The following SLCO3A1 variants were observed in gnomAD, a reference collection of about 807,000 sequenced individuals.
SLCO3A1 encodes solute carrier organic anion transporter family member 3A1.
In SLCO3A1, 27 loss-of-function variants were observed where a neutral mutation model predicts 63.1. The ratio of observed to expected loss-of-function variants is 0.43; its 90% CI spans 0.32 to 0.59. The LOEUF is 0.59. Among genes scored for constraint, SLCO3A1 ranks in the 20% least tolerant of loss-of-function variants. The probability of loss-of-function intolerance (pLI) is 0.09; values close to 1 mark genes in which losing one functional copy is unlikely to be tolerated. For synonymous variants in SLCO3A1, 473 were observed against 409.9 expected (o/e 1.15, Z -1.86); for missense variants, 773 against 945.8 (o/e 0.82, Z 2.40).
chr15:92,147,041 C>T lies in SLCO3A1; in HGVS notation c.1570C>T (p.Pro524Ser), dbSNP rs777846917. Residue 524 changes from proline to serine, a missense_variant, in exon 8 of 10, where the codon CCT (proline) becomes TCT (serine). Around this residue, in one of 3 missense-constraint regions of SLCO3A1, gnomAD observed 565 missense variants for 749.8 expected, o/e 0.75. Transcript: ENST00000318445. The stretch of plus-strand genomic sequence containing the variant: ...CCCTGCTGAGAACGCAACCGTGGTT[C>T]CTGGAAAATGCCCCAGTCCTGGGTG... Reference protein sequence around the residue: ...TVPAENATVVPGKCPSPGCQE... With the variant: ...TVPAENATVVSGKCPSPGCQE... The T allele has an allele frequency of 1.9e-6, 3 of 1,614,186 alleles. No individual in the cohort carries two copies. The highest frequency in any genetic ancestry group is 1.7e-5 in the Admixed American group (1 of 60,030).
Position 92,016,204 on chromosome 15 carries a change from T to TATAGATAGATTAGATAG in SLCO3A1, c.647-78667_647-78666insTAGATAGATAGATAGAT, listed in dbSNP as rs2046424818. 2.5e-5 allele frequency among the ~76,000 whole-genome samples: 3 copies of TATAGATAGATTAGATAG among 120,208 alleles called. No homozygotes were observed. In the South Asian group the frequency reaches 8.6e-4, roughly 34 times the overall value. The allele number at this position is 120,208 out of a possible 152,430, so 78.9% of individuals were successfully genotyped here. ...TGCAGATTTGTTGTATATATATTTATATAGATAGATAGATAGATAGATAGA... is the reference window on the plus strand; with the variant it reads ...TGCAGATTTGTTGTATATATATTTATATAGATAGATTAGATAGATAGATAGATAGATAGATAGATAGA... On this transcript the variant is annotated intron_variant, in intron 2 of 9. Coordinates refer to ENST00000318445, the MANE Select transcript of SLCO3A1 (RefSeq NM_013272.4).
Position 92,162,986 on chromosome 15 carries a change from G to T in SLCO3A1, c.1984G>T (p.Gly662Trp). The T allele has an allele frequency of 6.2e-7, 1 of 1,613,748 alleles. No individual in the cohort carries two copies. The highest frequency in any genetic ancestry group is 8.5e-7 in the Non-Finnish European group (1 of 1,179,812). ...ACGCTACATCAAAAACCACGAGGGC[G>T]GGCTGAGCACCAGTGAGTTCTTTGC... is the stretch of plus-strand genomic sequence containing the variant. Reference protein sequence around the residue: ...YKRYIKNHEGGLSTSEFFAST... With the variant: ...YKRYIKNHEGWLSTSEFFAST... Residue 662 changes from glycine (G) to tryptophan (W), a missense_variant, in exon 10 of 10, where the codon GGG becomes TGG. Gly to Trp is a radical substitution (Grantham distance 184, BLOSUM62 -2). Around this residue, in one of 3 missense-constraint regions of SLCO3A1, gnomAD observed 139 missense variants for 131.4 expected, o/e 1.06. Coordinates refer to ENST00000318445, the MANE Select transcript of SLCO3A1 (RefSeq NM_013272.4).
intron 2 of SLCO3A1, among the ~76,000 whole-genome samples, chr15:91,947,756 G>A (rs1454408991): frequency 6.6e-6 from 1 of 152,196 alleles, no homozygotes; most frequent in Non-Finnish European, 1.5e-5. Flanking sequence ...GGGGCAGGTT[G>A]CTCCGATGGC....
rs11347750 is a variant in SLCO3A1 at position 92,153,245 on chromosome 15, C to CA, written c.1753+2243dup. ...TATGCCTAGATACAGCTGAAACAAA[C>CA]AAAAAAAAAAAATCATGAAAAAATA... On this transcript the variant is annotated intron_variant, in intron 9 of 9. Coordinates refer to ENST00000318445, the MANE Select transcript of SLCO3A1 (RefSeq NM_013272.4). 7.8e-3 allele frequency among the ~76,000 whole-genome samples: 1,096 copies of CA among 140,368 alleles called. 8 individuals carry two copies. Among genetic ancestry groups the CA allele is most frequent in the African/African-American group, 0.019 (719 of 38,462 alleles). 92.1% of individuals were successfully genotyped at this position (140,368 alleles called of 152,430 possible).
At chr15:92,122,073 CTA>C (rs2047869461) in intron 5 of SLCO3A1, among the ~76,000 whole-genome samples, 1 of 151,968 alleles carries the variant, frequency 6.6e-6, no homozygotes, top group Non-Finnish European at 1.5e-5. Flanking sequence ...GGAGTGGTGA[CTA>C]TGTGGTTGCT....
chr15:92,104,229 A>G (rs1402875590), intron 3 of SLCO3A1, 50 bp from the exon 4 acceptor site: 1 of 1,595,628 alleles, frequency 6.3e-7, no homozygotes, highest in East Asian at 2.2e-5. Flanking sequence ...CAAAATCCCC[A>G]GTGGTCCAGC....
intron 1 of SLCO3A1, among the ~76,000 whole-genome samples, chr15:91,861,869 G>A (rs1340021730): frequency 6.9e-6 from 1 of 145,652 alleles, no homozygotes; most frequent in Non-Finnish European, 1.5e-5. Flanking sequence ...TGAACTCCTG[G>A]ACTCAAGTGA....
At chr15:92,009,063 A>C (rs562186600) in intron 2 of SLCO3A1, among the ~76,000 whole-genome samples, 1 of 152,242 alleles carries the variant, frequency 6.6e-6, no homozygotes, top group South Asian at 2.1e-4. Flanking sequence ...ACATTTGTAC[A>C]CTCTGATATT....
rs1328535865 is a variant in SLCO3A1 at position 91,854,908 on chromosome 15, T to TA, written c.180+822dup. On this transcript the variant is annotated intron_variant, in intron 1 of 9. Coordinates refer to ENST00000318445, the MANE Select transcript of SLCO3A1 (RefSeq NM_013272.4). This position sits in a 1 kb window ranked among gnomAD's most constrained non-coding sequence, Gnocchi z 6.4. ...GTAACATTTCAGAGGAAACAGCTTG[T>TA]AATGACTCAGCACTGTCAGGTACCT... Among the ~76,000 whole-genome samples the TA allele has an allele frequency of 6.6e-6, 1 of 152,204 alleles. No homozygotes were observed. The highest frequency in any genetic ancestry group is 6.5e-5 in the Admixed American group (1 of 15,286).
At position 91,941,159 on chromosome 15, in the gene SLCO3A1, G is replaced by C. The variant is rs1454746162; in HGVS notation, c.646+24701G>C. ...GGAAATTAATTCTGTAGGCTCCCTT[G>C]CCTGGTTGTGGGCAGCACTGCTCCA... On this transcript the variant is annotated intron_variant, in intron 2 of 9. Transcript: ENST00000318445. The surrounding 1 kb of genome is among the most constrained non-coding windows in gnomAD (Gnocchi z 4.4). Among the ~76,000 whole-genome samples, 1 of 152,188 alleles carries C rather than the reference G, an allele frequency of 6.6e-6. No homozygotes were observed. The highest frequency in any genetic ancestry group is 1.5e-5 in the Non-Finnish European group (1 of 68,036).
At chr15:92,018,363 C>G (rs75108731) in intron 2 of SLCO3A1, among the ~76,000 whole-genome samples, 4,393 of 152,276 alleles carry the variant, frequency 0.029, 208 homozygotes, top group African/African-American at 0.098. Flanking sequence ...TGGTTCAGAG[C>G]AGTGACCTTG....
Position 92,088,100 on chromosome 15 carries a change from C to T in SLCO3A1, c.647-6781C>T, listed in dbSNP as rs117111735. Reference sequence around the variant, plus strand: ...GGTTTGGGTCTGGGTCCCAGCTCTGCCACCAACTGGCCAGGTGAGCCTGGG... The same window carrying T: ...GGTTTGGGTCTGGGTCCCAGCTCTGTCACCAACTGGCCAGGTGAGCCTGGG... On this transcript the variant is annotated intron_variant, in intron 2 of 9. Transcript: ENST00000318445. Among the ~76,000 whole-genome samples the T allele has an allele frequency of 2.0e-5, 3 of 152,238 alleles. No individual in the cohort carries two copies. In the East Asian group the frequency reaches 5.8e-4, roughly 29 times the overall value.
At chr15:92,137,222 T>C (rs1596134311) in intron 7 of SLCO3A1, among the ~76,000 whole-genome samples, 1 of 127,900 alleles carries the variant, frequency 7.8e-6, no homozygotes, top group Non-Finnish European at 1.6e-5. Context: ...GAATATGCTG[T>C]GTTTGGTTTT....
intron 5 of SLCO3A1, among the ~76,000 whole-genome samples, chr15:92,123,057 T>C (rs982648242): frequency 1.3e-5 from 2 of 152,212 alleles, no homozygotes; most frequent in Non-Finnish European, 2.9e-5. Context: ...CAGGGGTGTG[T>C]ACAGATGCAA....
chr15:92,047,522 A>T lies in SLCO3A1; in HGVS notation c.647-47359A>T, dbSNP rs1233845501. On this transcript the variant is annotated intron_variant, in intron 2 of 9. Coordinates refer to ENST00000318445, the MANE Select transcript of SLCO3A1 (RefSeq NM_013272.4). ...ATATATAAATATATATAAATACATA[A>T]ATAAATATATAAATATATATAATAT... Among the ~76,000 whole-genome samples the T allele has an allele frequency of 6.0e-3, 168 of 27,786 alleles. 39 individuals carry two copies. The highest frequency in any genetic ancestry group is 0.011 in the African/African-American group (70 of 6,560). 18.2% of individuals were successfully genotyped at this position (27,786 alleles called of 152,430 possible).
intron 2 of SLCO3A1, among the ~76,000 whole-genome samples, chr15:91,978,852 G>C (rs111270175): frequency 6.6e-6 from 1 of 152,228 alleles, no homozygotes; most frequent in African/African-American, 2.4e-5. Flanking sequence ...TGGCCCACGG[G>C]CCAAATCCTA....
intron 2 of SLCO3A1, among the ~76,000 whole-genome samples, chr15:91,924,808 C>A (rs1302308036): frequency 4.6e-5 from 7 of 152,200 alleles, no homozygotes; most frequent in Non-Finnish European, 1.0e-4. Flanking sequence ...GGAAGAAAAG[C>A]ACGGTTCAAG....
chr15:92,059,983 ACAGCATGTGACTGTACTGAATACTGT>A (rs2047067069), intron 2 of SLCO3A1, among the ~76,000 whole-genome samples: 1 of 152,202 alleles, frequency 6.6e-6, no homozygotes, highest in Non-Finnish European at 1.5e-5. Context: ...ACAAACCTGT[ACAGCATGTGACTGTACTGAATACTGT>A]AGGCAGTTGC....
intron 2 of SLCO3A1, among the ~76,000 whole-genome samples, chr15:92,014,841 C>CAA (rs2151465327): frequency 6.6e-6 from 1 of 152,044 alleles, no homozygotes; most frequent in East Asian, 1.9e-4. Flanking sequence ...GGCAAGGAGA[C>CAA]AGAGTAGGCA....
Sources: allele counts gnomAD v4.1 joint callset (sites outside exome capture counted in the v4.1 genomes callset), GRCh38; gene constraint gnomAD v4.1.1; regional missense constraint gnomAD v4.1.1; non-coding constraint Gnocchi (gnomAD v3.1); transcripts MANE v1.5; gene names NCBI Gene and HGNC (gene_info 2026-07-23, HGNC 2026-07-21).